Variants in FRMD4A observed in about 807,000 individuals in gnomAD.
FRMD4A encodes FERM domain containing 4A.
A neutral mutation model predicts 129.1 loss-of-function variants in FRMD4A; 29 were observed. The ratio of observed to expected loss-of-function variants is 0.22; its 90% CI spans 0.17 to 0.31. The LOEUF (loss-of-function observed/expected upper bound fraction) is 0.31. Among genes scored for constraint, FRMD4A ranks in the 10% least tolerant of loss-of-function variants. The pLI is 1.00. For missense variants in FRMD4A, 1,272 were observed against 1,375.8 expected, an observed-to-expected ratio of 0.92 and a Z score of 1.19; for synonymous variants, 634 against 571.6, an observed-to-expected ratio of 1.11 and a Z score of -1.56.
intron 3 of FRMD4A, among the ~76,000 whole-genome samples, chr10:13,841,825 G>C (rs924338745): frequency 5.3e-5 from 8 of 152,110 alleles, no homozygotes; most frequent in African/African-American, 1.9e-4. Flanking sequence ...GGAGGTCACA[G>C]GAACCCTCAT....
chr10:14,110,157 TTTA>T (rs1235131518), intron 2 of FRMD4A, among the ~76,000 whole-genome samples: 2 of 71,282 alleles, frequency 2.8e-5, no homozygotes, highest in Non-Finnish European at 6.2e-5. Context: ...AGCTCTTTTC[TTTA>T]TTTTTAAGTG....
At chr10:13,878,571 G>A (rs1194147174) in intron 2 of FRMD4A, among the ~76,000 whole-genome samples, 1 of 152,016 alleles carries the variant, frequency 6.6e-6, no homozygotes, top group Non-Finnish European at 1.5e-5. Flanking sequence ...TGGCTAACAT[G>A]GCAAAACGTT....
intron 2 of FRMD4A, among the ~76,000 whole-genome samples, chr10:14,253,674 T>G (rs561884529): frequency 1.2e-4 from 19 of 152,336 alleles, no homozygotes; most frequent in African/African-American, 4.3e-4. Flanking sequence ...GATTCTTCAC[T>G]GGAGTGTGGC....
chr10:14,059,766 C>A (rs1217279662), intron 2 of FRMD4A, among the ~76,000 whole-genome samples: 1 of 152,214 alleles, frequency 6.6e-6, no homozygotes, highest in African/African-American at 2.4e-5. Flanking sequence ...TGTTCTCCAT[C>A]CTCCTCTAAT....
At chr10:13,972,537 G>T (rs975463689) in intron 2 of FRMD4A, among the ~76,000 whole-genome samples, 1 of 148,136 alleles carries the variant, frequency 6.8e-6, no homozygotes, top group African/African-American at 2.5e-5. Context: ...AACCTATCCC[G>T]TTTTTTTTTT....
In FRMD4A at chr10:13,657,265, G is replaced by A. The variant is rs373437653; in HGVS notation, c.2324C>T (p.Ser775Leu). 4.3e-5 allele frequency: 69 copies of A among 1,600,978 alleles called. No homozygotes were observed. The highest frequency in any genetic ancestry group is 5.8e-5 in the Non-Finnish European group (68 of 1,176,802). ...NANYSTLAED[S>L]PSKARQRQRQ... ...CTGCCTCTGGCGCGCCTTGGACGGC[G>A]AGTCCTCGGCCAGCGTGGAGTAGTT... The change falls in exon 22 of 25, where the codon TCG becomes TTG. Residue 775 changes from serine to leucine, a missense_variant. Ser to Leu is a moderately radical substitution (Grantham distance 145, BLOSUM62 -2). This residue lies in a region of FRMD4A where 972 missense variants were observed against 892.3 expected (regional missense o/e 1.09). Coordinates refer to ENST00000357447, the MANE Select transcript of FRMD4A (RefSeq NM_018027.5).
chr10:14,010,122 G>C (rs934597249), intron 2 of FRMD4A, among the ~76,000 whole-genome samples: 2 of 151,864 alleles, frequency 1.3e-5, no homozygotes, highest in Non-Finnish European at 2.9e-5. Flanking sequence ...GGGGTCGGTG[G>C]GGGGGACAAT....
chr10:14,101,383 A>C (rs993465648), intron 2 of FRMD4A, among the ~76,000 whole-genome samples: 4 of 152,204 alleles, frequency 2.6e-5, no homozygotes, highest in African/African-American at 9.7e-5. Context: ...CTGCGGGGTT[A>C]GTCTTACGAG....
chr10:13,888,014 CAGA>C (rs2094645421), intron 2 of FRMD4A, among the ~76,000 whole-genome samples: 1 of 152,154 alleles, frequency 6.6e-6, no homozygotes, highest in Non-Finnish European at 1.5e-5. Context: ...AAACTTTTTG[CAGA>C]AGAGAGCATT....
Position 13,778,088 on chromosome 10 carries a change from G to A in FRMD4A, c.384+4834C>T, listed in dbSNP as rs76065317. Among the ~76,000 whole-genome samples the A allele has an allele frequency of 5.0e-3, 753 of 151,908 alleles. 6 individuals are homozygous for A. Among genetic ancestry groups the A allele is most frequent in the African/African-American group, 0.016 (653 of 41,452 alleles). ...AGTGCTGGGATTACAGGCGTGGGCC[G>A]GGGACAATTTTTTACTTGCCCTGCT... On this transcript the variant is annotated intron_variant, in intron 6 of 24. Transcript: ENST00000357447.
In FRMD4A at chr10:13,714,042, A is replaced by AT. The variant is rs1365248261; in HGVS notation, c.760-6930dup. ...ATAAAATATACATATATATATATATATATATATATATATATATAAAATATA... is the reference window on the plus strand; with the variant it reads ...ATAAAATATACATATATATATATATATTATATATATATATATATAAAATATA... On this transcript the variant is annotated intron_variant, in intron 12 of 24. Coordinates refer to ENST00000357447, the MANE Select transcript of FRMD4A (RefSeq NM_018027.5). 0.011 allele frequency among the ~76,000 whole-genome samples: 80 copies of AT among 7,204 alleles called. 18 individuals carry two copies. The East Asian group carries it at 0.28, about 25-fold the overall frequency. 4.7% of individuals were successfully genotyped at this position (7,204 alleles called of 152,430 possible).
intron 2 of FRMD4A, among the ~76,000 whole-genome samples, chr10:13,998,159 C>G (rs2095629560): frequency 6.6e-6 from 1 of 152,156 alleles, no homozygotes; most frequent in South Asian, 2.1e-4. Flanking sequence ...TTCTTTCCAT[C>G]CACACACATT....
intron 2 of FRMD4A, among the ~76,000 whole-genome samples, chr10:14,197,756 T>C (rs577306873): frequency 6.6e-6 from 1 of 152,382 alleles, no homozygotes; most frequent in South Asian, 2.1e-4. Flanking sequence ...CATGTAAACT[T>C]TGGCACTCAA....
At chr10:13,798,316 G>A (rs113563525) in intron 4 of FRMD4A, among the ~76,000 whole-genome samples, 3,498 of 152,278 alleles carry the variant, frequency 0.023, 147 homozygotes, top group African/African-American at 0.081. Context: ...GGAGGCTGAG[G>A]TAGGAGAATC....
chr10:14,046,244 T>C (rs1833987391), intron 2 of FRMD4A, among the ~76,000 whole-genome samples: 2 of 152,280 alleles, frequency 1.3e-5, no homozygotes, highest in Non-Finnish European at 2.9e-5. Flanking sequence ...GTTAAAATAA[T>C]TCAAGTACTT....
At chr10:13,655,483 G>A (rs1243023645) in intron 22 of FRMD4A, 4 of 152,272 alleles carry the variant, frequency 2.6e-5, no homozygotes, top group African/African-American at 9.6e-5. Context: ...CTGGGACCCC[G>A]AAGTCCACGG....
chr10:13,667,872 C>A (rs186381769), intron 17 of FRMD4A: 1 of 152,316 alleles, frequency 6.6e-6, no homozygotes, highest in African/African-American at 2.4e-5. Flanking sequence ...GGCAGCTTCT[C>A]AAGGCCAGGG....
At chr10:13,863,437 A>G (rs2094320901) in intron 2 of FRMD4A, among the ~76,000 whole-genome samples, 1 of 151,958 alleles carries the variant, frequency 6.6e-6, no homozygotes, top group Non-Finnish European at 1.5e-5. Context: ...CAAAAAAAAA[A>G]AAATTAGCCG....
At chr10:13,802,769 T>A (rs2093281613) in intron 4 of FRMD4A, among the ~76,000 whole-genome samples, 1 of 152,072 alleles carries the variant, frequency 6.6e-6, no homozygotes. Flanking sequence ...TCACCACACG[T>A]GGCCAAGTGT....
Sources: allele counts gnomAD v4.1 joint callset (sites outside exome capture counted in the v4.1 genomes callset), GRCh38; gene constraint gnomAD v4.1.1; regional missense constraint gnomAD v4.1.1; transcripts MANE v1.5; gene names NCBI Gene and HGNC (gene_info 2026-07-23, HGNC 2026-07-21).